AK9: variants seen among roughly 807,000 people sequenced by gnomAD.
AK9 encodes the protein adenylate kinase domain containing 1.
AK9 carries 191 observed loss-of-function variants against 239.6 expected under a neutral mutation model. The ratio of observed to expected loss-of-function variants is 0.80; its 90% confidence interval spans 0.71 to 0.90. The LOEUF is 0.90. Among genes scored for constraint, AK9 ranks in the 40% least tolerant of loss-of-function variants. The probability of loss-of-function intolerance (pLI) is 0.00; values close to 1 mark genes in which losing one functional copy is unlikely to be tolerated. For missense variants in AK9, 1,995 were observed against 2,214.7 expected, an observed-to-expected ratio of 0.90 and a Z score of 1.99; for synonymous variants, 689 against 721.0, an observed-to-expected ratio of 0.96 and a Z score of 0.71.
chr6:109,600,730 C>T (rs1023568865), intron 17 of AK9, among the ~76,000 whole-genome samples: 1 of 152,076 alleles, frequency 6.6e-6, no homozygotes, highest in African/African-American at 2.4e-5. Flanking sequence ...AGTTGGTAAG[C>T]TATTAATTAT....
intron 12 of AK9, among the ~76,000 whole-genome samples, chr6:109,623,630 A>G (rs1251797860): frequency 1.3e-5 from 2 of 152,146 alleles, no homozygotes; most frequent in African/African-American, 4.8e-5. Context: ...ACTATGCAAG[A>G]TCATAAACGC....
At position 109,672,129 on chromosome 6, in the gene AK9, C is replaced by G; in HGVS notation, c.220G>C (p.Glu74Gln). Residue 74 changes from glutamate to glutamine, a missense_variant, in exon 4 of 41, where the codon GAA (glutamate) becomes CAA (glutamine). Around this residue, in one of 5 missense-constraint regions of AK9, gnomAD observed 252 missense variants for 246.4 expected, o/e 1.02. Transcript: ENST00000424296. Reference sequence around the variant, plus strand: ...GGTTTGTTTACCATAACTCCTGATTCGGTTTCAGCAGCAATCTGTTCTTCT... The same window carrying G: ...GGTTTGTTTACCATAACTCCTGATTGGGTTTCAGCAGCAATCTGTTCTTCT... ...ILEEQIAAET[E>Q]SGVMLQSMLI... The G allele has an allele frequency of 1.2e-6, 2 of 1,613,214 alleles. No individual in the cohort carries two copies. The highest frequency in any genetic ancestry group is 8.5e-7 in the Non-Finnish European group (1 of 1,179,626).
intron 1 of AK9, among the ~76,000 whole-genome samples, chr6:109,678,961 G>A (rs1583555280): frequency 6.6e-6 from 1 of 152,290 alleles, no homozygotes. Flanking sequence ...TTCACAACCC[G>A]CAGACCAGGA....
At chr6:109,684,873 C>CAAAAAAAAAAAAAAAAAA (rs60500211) in intron 1 of AK9, among the ~76,000 whole-genome samples, 1 of 21,870 alleles carries the variant, frequency 4.6e-5, no homozygotes, top group Non-Finnish European at 8.0e-5. Context: ...GACTCCGTCT[C>CAAAAAAAAAAAAAAAAAA]AAAAAAAAAA....
At chr6:109,564,006 G>A (rs1007036189) in intron 23 of AK9, 74 bp downstream of exon 23, 5 of 1,361,136 alleles carry the variant, frequency 3.7e-6, no homozygotes, top group South Asian at 2.9e-5. Flanking sequence ...CATCAAAGAA[G>A]GCTTTCAAGT....
rs75521953 is a variant in AK9 at position 109,635,239 on chromosome 6, A to C, written c.934-1916T>G. Among the ~76,000 whole-genome samples, 926 of 152,338 alleles carry C rather than the reference A, an allele frequency of 6.1e-3. 13 individuals are homozygous for C. The highest frequency in any genetic ancestry group is 0.021 in the African/African-American group (881 of 41,584). ...TTGTAAGTTAGAAAGCAGATGGATG[A>C]GTGGTAACTGACTTATATCAGAGAT... On this transcript the variant is annotated intron_variant, in intron 10 of 40. Coordinates refer to ENST00000424296, the MANE Select transcript of AK9 (RefSeq NM_001145128.3).
At chr6:109,589,514 A>G (rs562767788) in intron 17 of AK9, among the ~76,000 whole-genome samples, 30 of 152,252 alleles carry the variant, frequency 2.0e-4, no homozygotes, top group African/African-American at 6.7e-4. Flanking sequence ...ACATATCAAC[A>G]GTAGAGATTA....
At chr6:109,578,327 C>T (rs1374121849) in intron 20 of AK9, among the ~76,000 whole-genome samples, 2 of 152,122 alleles carry the variant, frequency 1.3e-5, no homozygotes, top group Non-Finnish European at 2.9e-5. Context: ...CCTCAGCCTC[C>T]CAAAGTGCTG....
chr6:109,512,831 T>C (rs1269351893), intron 32 of AK9, among the ~76,000 whole-genome samples: 1 of 152,250 alleles, frequency 6.6e-6, no homozygotes, highest in Non-Finnish European at 1.5e-5. Flanking sequence ...GTTTATCAAA[T>C]GCCTTTCCAG....
chr6:109,599,420 T>C (rs4946991), intron 17 of AK9, among the ~76,000 whole-genome samples: 88,543 of 151,972 alleles, frequency 0.58, 27,479 homozygotes, highest in South Asian at 0.84. Flanking sequence ...CTCTGTTCTG[T>C]TCCATTGGTC....
At chr6:109,555,516 G>T (rs889077973) in intron 24 of AK9, among the ~76,000 whole-genome samples, 8 of 152,186 alleles carry the variant, frequency 5.3e-5, no homozygotes, top group Non-Finnish European at 1.2e-4. Flanking sequence ...TTCTGTAGAT[G>T]TCAACTAGGT....
Position 109,516,488 on chromosome 6 carries a change from A to C in AK9, c.3788T>G (p.Leu1263Arg). The C allele has an allele frequency of 6.4e-7, 1 of 1,551,796 alleles. No individual in the cohort carries two copies. The highest frequency in any genetic ancestry group is 8.7e-7 in the Non-Finnish European group (1 of 1,146,986). The change falls in exon 30 of 41, where the codon CTG becomes CGG. Residue 1263 changes from leucine (L) to arginine (R), a missense_variant. Leu to Arg is a moderately radical substitution (Grantham distance 102, BLOSUM62 -2). Transcript: ENST00000424296. ...AAATTTTTCTCCTAGTTCACCTCTC[A>C]GGCGCTCAATTGCATCAGTTTCCTG... ...EEQETDAIER[L>R]RGELGEKFEA...
intron 17 of AK9, among the ~76,000 whole-genome samples, chr6:109,607,021 C>T (rs1213598433): frequency 1.3e-5 from 2 of 152,264 alleles, no homozygotes; most frequent in African/African-American, 2.4e-5. Flanking sequence ...CTGGATCATA[C>T]ATTAGGTCCA....
intron 10 of AK9, among the ~76,000 whole-genome samples, chr6:109,635,002 T>C (rs1426230038): frequency 6.6e-6 from 1 of 152,168 alleles, no homozygotes; most frequent in East Asian, 1.9e-4. Context: ...ATGAATTTGA[T>C]ATTACAGGCT....
At chr6:109,645,353 C>T (rs972859660) in intron 8 of AK9, among the ~76,000 whole-genome samples, 1 of 152,162 alleles carries the variant, frequency 6.6e-6, no homozygotes, top group African/African-American at 2.4e-5. Flanking sequence ...ACACTCCTGC[C>T]CTAATACTGC....
intron 17 of AK9, among the ~76,000 whole-genome samples, chr6:109,593,597 T>A (rs1217406224): frequency 6.6e-6 from 1 of 152,096 alleles, no homozygotes; most frequent in Non-Finnish European, 1.5e-5. Context: ...CTGATGAACA[T>A]CAATGCAAGA....
intron 28 of AK9, among the ~76,000 whole-genome samples, chr6:109,530,232 A>G (rs961685261): frequency 6.6e-6 from 1 of 152,302 alleles, no homozygotes; most frequent in African/African-American, 2.4e-5. Context: ...GCCTGAGGAC[A>G]TGCTCTGGGG....
chr6:109,533,318 C>T lies in AK9; in HGVS notation c.3503G>A (p.Trp1168Ter). ...DRLLPAQIEK[W>*]KLKQKKKLER... ...TAATTTCTTCTTTTGTTTTAGTTTC[C>T]ACTTTTCAATTTGGGCAGGAAGGAG... Residue 1168 changes from tryptophan to a stop codon, truncating the protein, a stop_gained, in exon 28 of 41, where the codon TGG (tryptophan) becomes TAG (stop). Coordinates refer to ENST00000424296, the MANE Select transcript of AK9 (RefSeq NM_001145128.3). LOFTEE classifies it high-confidence loss of function. 1.2e-6 allele frequency: 2 copies of T among 1,611,710 alleles called. No individual in the cohort carries two copies. Among genetic ancestry groups the T allele is most frequent in the East Asian group, 2.2e-5 (1 of 44,814 alleles).
chr6:109,602,213 G>GTT (rs1232265151), intron 17 of AK9, among the ~76,000 whole-genome samples: 1 of 152,174 alleles, frequency 6.6e-6, no homozygotes, highest in Non-Finnish European at 1.5e-5. Context: ...GGCTGGTACT[G>GTT]GTTGTTCCTT....
Sources: allele counts gnomAD v4.1 joint callset (sites outside exome capture counted in the v4.1 genomes callset), GRCh38; gene constraint gnomAD v4.1.1; regional missense constraint gnomAD v4.1.1; transcripts MANE v1.5; gene names NCBI Gene and HGNC (gene_info 2026-07-23, HGNC 2026-07-21).